The following CLVS1 variants were observed in gnomAD, a reference collection of about 807,000 sequenced individuals.
The protein encoded by CLVS1 is clavesin 1.
CLVS1 carries 10 observed loss-of-function variants against 33.1 expected under a neutral mutation model. The observed-to-expected ratio is 0.30, with a 90% CI of 0.19 to 0.51. The LOEUF (loss-of-function observed/expected upper bound fraction) is 0.51. Among genes scored for constraint, CLVS1 ranks in the 20% least tolerant of loss-of-function variants. The pLI is 0.97. For missense variants in CLVS1, 343 were observed against 433.4 expected, an observed-to-expected ratio of 0.79 and a Z score of 1.85; for synonymous variants, 163 against 166.1, an observed-to-expected ratio of 0.98 and a Z score of 0.14.
chr8:61,108,217 CAA>C (rs577723258), intron 1 of CLVS1, among the ~76,000 whole-genome samples: 39 of 69,074 alleles, frequency 5.6e-4, no homozygotes, highest in South Asian at 3.7e-3. Context: ...GACTCCGTCT[CAA>C]AAAAAAAAAA....
At chr8:61,205,523 G>A (rs1807821911) in intron 2 of CLVS1, among the ~76,000 whole-genome samples, 1 of 152,194 alleles carries the variant, frequency 6.6e-6, no homozygotes, top group African/African-American at 2.4e-5. Context: ...TACTTGGGTT[G>A]CTTTTATCTA....
intron 2 of CLVS1, among the ~76,000 whole-genome samples, chr8:61,339,913 GAA>G (rs1344664265): frequency 6.6e-6 from 1 of 150,402 alleles, no homozygotes; most frequent in African/African-American, 2.4e-5. Flanking sequence ...GGGAGGGAAA[GAA>G]AGAGAGTGAA....
At chr8:61,149,906 T>G (rs1460303356) in intron 2 of CLVS1, among the ~76,000 whole-genome samples, 1 of 152,206 alleles carries the variant, frequency 6.6e-6, no homozygotes, top group Non-Finnish European at 1.5e-5. Flanking sequence ...TTCAACATTC[T>G]ATAACATCAA....
intron 3 of CLVS1, among the ~76,000 whole-genome samples, chr8:61,430,949 A>G (rs531665643): frequency 1.3e-5 from 2 of 152,234 alleles, no homozygotes; most frequent in Non-Finnish European, 2.9e-5. Context: ...TGAATAATAG[A>G]GATTTCAAAT....
rs77458153 is a variant in CLVS1, at chr8:61,459,129, G to A, written c.977+587G>A. Among the ~76,000 whole-genome samples, 896 of 152,182 alleles carry A rather than the reference G, an allele frequency of 5.9e-3. 1 individual carries two copies. The highest frequency in any genetic ancestry group is 9.8e-3 in the Non-Finnish European group (669 of 68,008). On this transcript the variant is annotated intron_variant, in intron 5 of 5. Coordinates refer to ENST00000325897, the MANE Select transcript of CLVS1 (RefSeq NM_173519.3). ...GCAATCCAAGCAGAGTGGACAGACT[G>A]AGGCATGTAGGTATTAGAGTGATGG...
intron 2 of CLVS1, among the ~76,000 whole-genome samples, chr8:61,231,089 G>A (rs1808423547): frequency 1.3e-5 from 2 of 152,132 alleles, no homozygotes; most frequent in South Asian, 2.1e-4. Flanking sequence ...ATAGTAGTAT[G>A]CAAAACTGGA....
chr8:61,145,495 C>T (rs1806398501), intron 2 of CLVS1, among the ~76,000 whole-genome samples: 1 of 152,220 alleles, frequency 6.6e-6, no homozygotes, highest in Non-Finnish European at 1.5e-5. Flanking sequence ...TAGGTTTAAG[C>T]TGATAGCTTT....
chr8:61,260,204 C>T (rs111352600), intron 2 of CLVS1, among the ~76,000 whole-genome samples: 4,397 of 152,282 alleles, frequency 0.029, 82 homozygotes, highest in Non-Finnish European at 0.038. Context: ...TATTTGCATG[C>T]CATTCAGTCC....
At chr8:61,165,714 A>C (rs1162383830) in intron 2 of CLVS1, among the ~76,000 whole-genome samples, 2 of 152,132 alleles carry the variant, frequency 1.3e-5, no homozygotes. Flanking sequence ...AAAATGTATA[A>C]AACTAACCTG....
intron 3 of CLVS1, among the ~76,000 whole-genome samples, chr8:61,428,335 G>T (rs1201225301): frequency 2.0e-5 from 3 of 152,208 alleles, no homozygotes. Flanking sequence ...TGAAATGCTT[G>T]TGTGTATGTG....
intron 2 of CLVS1, among the ~76,000 whole-genome samples, chr8:61,243,977 C>G (rs562472268): frequency 1.3e-5 from 2 of 152,040 alleles, no homozygotes; most frequent in African/African-American, 4.8e-5. Context: ...TCCATATTTT[C>G]GAATTCACCA....
chr8:61,273,217 C>T (rs1404260700), intron 2 of CLVS1, among the ~76,000 whole-genome samples: 2 of 151,342 alleles, frequency 1.3e-5, no homozygotes, highest in Non-Finnish European at 3.0e-5. Flanking sequence ...ACAGACAGGA[C>T]CCTCAGCTGC....
chr8:61,282,755 G>A (rs1809699446), intron 2 of CLVS1, among the ~76,000 whole-genome samples: 2 of 152,166 alleles, frequency 1.3e-5, no homozygotes, highest in African/African-American at 2.4e-5. Context: ...CTTATAATAA[G>A]TTCCCATCTG....
chr8:61,175,765 T>C (rs918084440), intron 2 of CLVS1, among the ~76,000 whole-genome samples: 1 of 152,192 alleles, frequency 6.6e-6, no homozygotes, highest in Admixed American at 6.5e-5. Flanking sequence ...AGAGGGAACA[T>C]GGCCCTGCTG....
At chr8:61,473,859 G>T (rs1164930153) in intron 5 of CLVS1, among the ~76,000 whole-genome samples, 1 of 152,194 alleles carries the variant, frequency 6.6e-6, no homozygotes, top group Non-Finnish European at 1.5e-5. Context: ...AAGCAGTGCT[G>T]ACTGGGGAGA....
chr8:61,339,902 A>G (rs1439288086), intron 2 of CLVS1, among the ~76,000 whole-genome samples: 1 of 150,892 alleles, frequency 6.6e-6, no homozygotes, highest in African/African-American at 2.4e-5. Context: ...GGAGAAAGGG[A>G]GGGAGGGAAA....
chr8:61,060,861 C>A (rs1371361151), intron 1 of CLVS1, among the ~76,000 whole-genome samples: 1 of 152,202 alleles, frequency 6.6e-6, no homozygotes, highest in Non-Finnish European at 1.5e-5. Flanking sequence ...GGCCTGATAA[C>A]AAAATCTGAG....
intron 1 of CLVS1, among the ~76,000 whole-genome samples, chr8:61,068,208 T>C (rs889743547): frequency 1.9e-5 from 2 of 107,062 alleles, no homozygotes; most frequent in Non-Finnish European, 3.4e-5. Flanking sequence ...TGTATATATA[T>C]ATATATATAT....
At chr8:61,074,408 TATAA>T (rs1804864939) in intron 1 of CLVS1, among the ~76,000 whole-genome samples, 2 of 138,656 alleles carry the variant, frequency 1.4e-5, no homozygotes, top group African/African-American at 2.8e-5. Context: ...GTTATATATA[TATAA>T]GTATATGTGT....
Sources: gnomAD v4.1 joint callset for allele counts (sites outside exome capture counted in the v4.1 genomes callset) on GRCh38, gnomAD v4.1.1 for gene constraint, MANE v1.5 for transcripts, NCBI Gene and HGNC (gene_info 2026-07-23, HGNC 2026-07-21) for gene names.